The following FHAD1 variants were observed in gnomAD, a reference collection of about 807,000 sequenced individuals.
FHAD1 encodes forkhead associated phosphopeptide binding domain 1, also known as forkhead-associated domain-containing protein 1.
FHAD1 carries 146 observed loss-of-function variants against 191.3 expected under a neutral mutation model. That is an observed-to-expected ratio of 0.76 (90% confidence interval 0.67 to 0.88). The LOEUF is 0.88. FHAD1 is among the 40% of genes least tolerant of loss of function. The pLI, the probability that FHAD1 is intolerant of heterozygous loss-of-function variation, is 0.00. For missense variants in FHAD1, 1,635 were observed against 1,785.8 expected, an observed-to-expected ratio of 0.92 and a Z score of 1.52; for synonymous variants, 616 against 672.3, an observed-to-expected ratio of 0.92 and a Z score of 1.29.
chr1:15,328,485 T>G (rs1233776031), intron 13 of FHAD1, 56 bp downstream of exon 13: 24 of 1,322,810 alleles, frequency 1.8e-5, no homozygotes, highest in Non-Finnish European at 2.3e-5. Context: ...TTTGTGCGGC[T>G]TATTTGGGAA....
chr1:15,285,510 G>T (rs1662125680), intron 3 of FHAD1, among the ~76,000 whole-genome samples: 1 of 152,158 alleles, frequency 6.6e-6, no homozygotes, highest in African/African-American at 2.4e-5. Context: ...TCCAGCCTGG[G>T]TGACAAGAGC....
chr1:15,289,567 G>A lies in FHAD1; in HGVS notation c.469G>A (p.Val157Met), dbSNP rs1229303591. 4 of 1,551,666 alleles carry A rather than the reference G, an allele frequency of 2.6e-6. No individual in the cohort carries two copies. Among genetic ancestry groups the A allele is most frequent in the Admixed American group, 3.9e-5 (2 of 50,992 alleles). The change falls in exon 4 of 34, where the codon GTG becomes ATG. Residue 157 changes from valine to methionine, a missense_variant. Val to Met is a conservative substitution (Grantham distance 21). Coordinates refer to ENST00000688493, the MANE Select transcript of FHAD1 (RefSeq NM_001391957.1). This position sits in a 1 kb window ranked among gnomAD's most constrained non-coding sequence, Gnocchi z 4.2. ...GTCCCAGGCCTTTCCCAGACCCACCGTGGTCCTGCCGGCCTCCCACAGGCG... is the reference window on the plus strand; with the variant it reads ...GTCCCAGGCCTTTCCCAGACCCACCATGGTCCTGCCGGCCTCCCACAGGCG... ...SWSQAFPRPT[V>M]VLPASHRRPV... is the part of the protein sequence containing the mutation.
chr1:15,397,223 C>A, intron 33 of FHAD1, 74 bp from the exon 34 acceptor site: 1 of 653,014 alleles, frequency 1.5e-6, no homozygotes, highest in Non-Finnish European at 2.5e-6. Flanking sequence ...TAAAAAATAA[C>A]AAAACCACTT....
chr1:15,374,066 A>G (rs940584101), intron 26 of FHAD1, among the ~76,000 whole-genome samples: 3 of 152,188 alleles, frequency 2.0e-5, no homozygotes, highest in African/African-American at 7.2e-5. Context: ...CCAAGAGCCA[A>G]TCTATCAAAT....
rs1675333723 is a variant in FHAD1, at chr1:15,318,741, T to C, written c.1365+813T>C. Reference sequence around the variant, plus strand: ...CACGTGTAGCTGGTGGCTGCTGCACTGGACAGCACAGATATGGAAATTTCC... The same window carrying C: ...CACGTGTAGCTGGTGGCTGCTGCACCGGACAGCACAGATATGGAAATTTCC... On this transcript the variant is annotated intron_variant, in intron 10 of 33. Transcript: ENST00000688493. The surrounding 1 kb of genome is among the most constrained non-coding windows in gnomAD (Gnocchi z 4.1). 6.6e-6 allele frequency among the ~76,000 whole-genome samples: 1 copy of C among 152,258 alleles called. No homozygotes were observed. Among genetic ancestry groups the C allele is most frequent in the Admixed American group, 6.5e-5 (1 of 15,286 alleles).
chr1:15,250,445 T>C (rs2100754141), intron 1 of FHAD1, among the ~76,000 whole-genome samples: 1 of 152,296 alleles, frequency 6.6e-6, no homozygotes, highest in South Asian at 2.1e-4. Flanking sequence ...TAGAATCTAG[T>C]GGTGGGTACA....
intron 1 of FHAD1, among the ~76,000 whole-genome samples, chr1:15,247,610 A>T (rs1573596436): frequency 6.6e-6 from 1 of 150,814 alleles, no homozygotes; most frequent in South Asian, 2.1e-4. Context: ...AGCCCCCGGG[A>T]GCCTTAGACC....
intron 19 of FHAD1, among the ~76,000 whole-genome samples, chr1:15,351,823 G>A (rs1690988352): frequency 7.2e-6 from 1 of 139,388 alleles, no homozygotes; most frequent in Non-Finnish European, 1.6e-5. Flanking sequence ...GGGAGATGTG[G>A]TTGAGGGGGG....
chr1:15,293,690 C>T (rs1241505440), intron 4 of FHAD1, among the ~76,000 whole-genome samples: 3 of 152,142 alleles, frequency 2.0e-5, no homozygotes, highest in East Asian at 3.9e-4. Flanking sequence ...TGCACTCCAG[C>T]CTGGGCGGAC....
intron 31 of FHAD1, among the ~76,000 whole-genome samples, chr1:15,382,907 T>A (rs1701235672): frequency 1.3e-5 from 2 of 152,186 alleles, no homozygotes; most frequent in Admixed American, 6.5e-5. Flanking sequence ...AGGATGAGAT[T>A]TGCTCCCTGG....
At chr1:15,367,437 C>G (rs1280937017) in intron 24 of FHAD1, 26 bp from the exon 25 acceptor site, 8 of 1,546,680 alleles carry the variant, frequency 5.2e-6, no homozygotes, top group Middle Eastern at 1.7e-4. Flanking sequence ...CAGAGACCCC[C>G]TTACCGGCCC....
chr1:15,248,556 C>T (rs954231226), intron 1 of FHAD1, among the ~76,000 whole-genome samples: 1 of 151,852 alleles, frequency 6.6e-6, no homozygotes, highest in Admixed American at 6.6e-5. Flanking sequence ...CAGTGCCCAA[C>T]CTTTGCCCTG....
chr1:15,393,419 C>G (rs1400038475), intron 33 of FHAD1, among the ~76,000 whole-genome samples: 1 of 132,542 alleles, frequency 7.5e-6, no homozygotes, highest in African/African-American at 3.6e-5. Flanking sequence ...GATGTGGACA[C>G]ACACACACAC....
chr1:15,349,213 A>G (rs2102424042), intron 19 of FHAD1, 64 bp downstream of exon 19: 1 of 1,269,240 alleles, frequency 7.9e-7, no homozygotes, highest in South Asian at 1.3e-5. Flanking sequence ...CTGGGAGAGT[A>G]CAGTGGGAAA....
At chr1:15,348,339 C>T (rs149740805) in intron 18 of FHAD1, among the ~76,000 whole-genome samples, 19 of 152,266 alleles carry the variant, frequency 1.2e-4, no homozygotes, top group Middle Eastern at 3.4e-3. Flanking sequence ...AAAGACAAGC[C>T]GTTAGAAAAT....
At chr1:15,239,405 G>A (rs1176735709) in intron 1 of FHAD1, among the ~76,000 whole-genome samples, 1 of 152,026 alleles carries the variant, frequency 6.6e-6, no homozygotes, top group African/African-American at 2.4e-5. Flanking sequence ...TGGCCAACAT[G>A]GTGAAACCCC....
At chr1:15,373,603 A>T (rs1698743238) in intron 26 of FHAD1, among the ~76,000 whole-genome samples, 1 of 152,158 alleles carries the variant, frequency 6.6e-6, no homozygotes, top group Admixed American at 6.5e-5. Context: ...CTGTAATCCC[A>T]GCACCTTGGG....
intron 3 of FHAD1, among the ~76,000 whole-genome samples, chr1:15,274,388 G>A (rs887907745): frequency 6.6e-6 from 1 of 152,076 alleles, no homozygotes; most frequent in African/African-American, 2.4e-5. Flanking sequence ...CGGGCAGATT[G>A]CCTGAGCTCA....
intron 24 of FHAD1, among the ~76,000 whole-genome samples, chr1:15,366,396 A>G (rs1240646123): frequency 6.6e-6 from 1 of 151,802 alleles, no homozygotes; most frequent in Non-Finnish European, 1.5e-5. Flanking sequence ...CGTATCCTGG[A>G]TATGTCCCTG....
Sources: gnomAD v4.1 joint callset for allele counts (sites outside exome capture counted in the v4.1 genomes callset) on GRCh38, gnomAD v4.1.1 for gene constraint, Gnocchi (gnomAD v3.1) non-coding constraint, MANE v1.5 for transcripts, NCBI Gene and HGNC (gene_info 2026-07-23, HGNC 2026-07-21) for gene names.